The following CLVS1 variants were observed in gnomAD, a reference collection of about 807,000 sequenced individuals.
The protein encoded by CLVS1 is clavesin-1.
Under a neutral mutation model 33.1 loss-of-function variants are expected in CLVS1, and 10 were observed. The observed-to-expected ratio is 0.30, with a 90% CI of 0.19 to 0.51. The LOEUF (loss-of-function observed/expected upper bound fraction) is 0.51. CLVS1 is among the 20% of genes least tolerant of loss of function. The pLI, the probability that CLVS1 is intolerant of heterozygous loss-of-function variation, is 0.97. For synonymous variants in CLVS1, 163 were observed against 166.1 expected (o/e 0.98, Z 0.14); for missense variants, 343 against 433.4 (o/e 0.79, Z 1.85).
At chr8:61,142,883 C>T (rs1370143222) in intron 2 of CLVS1, among the ~76,000 whole-genome samples, 1 of 152,130 alleles carries the variant, frequency 6.6e-6, no homozygotes, top group Non-Finnish European at 1.5e-5. Flanking sequence ...TGTGAATGGA[C>T]ATACTTGCTA....
Position 61,329,874 on chromosome 8 carries a change from C to G in CLVS1, c.455+29592C>G, listed in dbSNP as rs1007999182. Reference sequence around the variant, plus strand: ...CTTTAATAAGAATTTCTTGACTGCTCTATGCACCCAGTACTGCCTATTGAC... The same window carrying G: ...CTTTAATAAGAATTTCTTGACTGCTGTATGCACCCAGTACTGCCTATTGAC... On this transcript the variant is annotated intron_variant, in intron 2 of 5. Coordinates refer to ENST00000325897, the MANE Select transcript of CLVS1 (RefSeq NM_173519.3). Among the ~76,000 whole-genome samples the G allele has an allele frequency of 4.2e-4, 64 of 152,134 alleles. 1 individual carries two copies. The highest frequency in any genetic ancestry group is 5.7e-4 in the Non-Finnish European group (39 of 68,022).
chr8:61,335,275 C>T (rs565724987), intron 2 of CLVS1, among the ~76,000 whole-genome samples: 30 of 152,322 alleles, frequency 2.0e-4, no homozygotes, highest in African/African-American at 7.2e-4. Context: ...GCAATCTAGT[C>T]CTCGACAAGA....
chr8:61,172,260 G>A (rs1252539973), intron 2 of CLVS1, among the ~76,000 whole-genome samples: 1 of 152,288 alleles, frequency 6.6e-6, no homozygotes, highest in African/African-American at 2.4e-5. Context: ...TTGGAGGGAG[G>A]ATATTGTTAT....
chr8:61,383,615 A>G (rs1335602581), intron 3 of CLVS1, among the ~76,000 whole-genome samples: 1 of 152,234 alleles, frequency 6.6e-6, no homozygotes, highest in African/African-American at 2.4e-5. Flanking sequence ...TGATATGAAT[A>G]TTAGAGGAAT....
At chr8:61,214,723 T>C (rs749843176) in intron 2 of CLVS1, among the ~76,000 whole-genome samples, 2 of 152,244 alleles carry the variant, frequency 1.3e-5, no homozygotes, top group Non-Finnish European at 2.9e-5. Context: ...GTCCAACTTT[T>C]TGCACCTGAT....
intron 5 of CLVS1, among the ~76,000 whole-genome samples, chr8:61,485,288 A>G (rs1328640664): frequency 2.6e-5 from 4 of 152,260 alleles, no homozygotes; most frequent in African/African-American, 7.2e-5. Context: ...GACAAAGGAT[A>G]TGAACAGACA....
chr8:61,169,017 G>A lies in CLVS1; in HGVS notation c.-152+37157G>A, dbSNP rs528089291. Among the ~76,000 whole-genome samples the A allele has an allele frequency of 3.3e-4, 50 of 152,282 alleles. No individual in the cohort carries two copies. In the South Asian group the frequency reaches 7.7e-3, roughly 23 times the overall value. On this transcript the variant is annotated intron_variant, in intron 2 of 2. Coordinates refer to the CLVS1 transcript ENST00000522621. ...CACCATATTGAGACCTAGCCTTGAC[G>A]AAAGTCCTACTGTCTCCTTAAATGA... is the stretch of plus-strand genomic sequence containing the variant.
intron 2 of CLVS1, among the ~76,000 whole-genome samples, chr8:61,201,025 T>G (rs1239946866): frequency 6.6e-6 from 1 of 152,302 alleles, no homozygotes; most frequent in Non-Finnish European, 1.5e-5. Flanking sequence ...CCTTTCATGG[T>G]GAAATTTACT....
the CLVS1 span, among the ~76,000 whole-genome samples, chr8:61,033,126 G>GAAAGAAAGAAAGAAA: frequency 2.9e-5 from 2 of 68,730 alleles, no homozygotes; most frequent in African/African-American, 1.0e-4. Flanking sequence ...AAGGAAGAAA[G>GAAAGAAAGAAAGAAA]GAAAGAAAGA....
At chr8:61,456,237 G>A (rs1416940897) in intron 4 of CLVS1, among the ~76,000 whole-genome samples, 2 of 152,162 alleles carry the variant, frequency 1.3e-5, no homozygotes, top group African/African-American at 4.8e-5. Context: ...CCCCAGAAGG[G>A]AAGGTCACCT....
chr8:61,362,098 T>A (rs1177479075), intron 2 of CLVS1, among the ~76,000 whole-genome samples: 2 of 152,154 alleles, frequency 1.3e-5, no homozygotes, highest in Non-Finnish European at 2.9e-5. Context: ...AAAACTGGGC[T>A]TTGAAGGCTG....
intron 1 of CLVS1, among the ~76,000 whole-genome samples, chr8:61,105,915 C>T (rs1210023835): frequency 1.3e-5 from 2 of 152,128 alleles, no homozygotes; most frequent in Non-Finnish European, 2.9e-5. Context: ...TAGTTGTTCT[C>T]CCGCTCATGC....
At chr8:61,064,619 C>T (rs1402806141) in intron 1 of CLVS1, among the ~76,000 whole-genome samples, 3 of 150,734 alleles carry the variant, frequency 2.0e-5, no homozygotes, top group African/African-American at 7.3e-5. Context: ...CAGCTCACTG[C>T]AACCTCTGCC....
intron 2 of CLVS1, among the ~76,000 whole-genome samples, chr8:61,224,653 G>C (rs1808290929): frequency 6.6e-6 from 1 of 152,204 alleles, no homozygotes; most frequent in Non-Finnish European, 1.5e-5. Flanking sequence ...CCCGTTGGGT[G>C]GCATAGGGAG....
intron 3 of CLVS1, among the ~76,000 whole-genome samples, chr8:61,448,615 C>G (rs1311407829): frequency 6.6e-6 from 1 of 151,706 alleles, no homozygotes; most frequent in Non-Finnish European, 1.5e-5. Context: ...GTGGCTCATG[C>G]CTGTAATCCC....
chr8:61,399,114 G>C (rs532450916), intron 3 of CLVS1, among the ~76,000 whole-genome samples: 1 of 152,128 alleles, frequency 6.6e-6, no homozygotes, highest in East Asian at 1.9e-4. Context: ...CTAGATCTTT[G>C]AGGAATCTCT....
chr8:61,184,890 T>G (rs1260316778), intron 2 of CLVS1, among the ~76,000 whole-genome samples: 1 of 152,244 alleles, frequency 6.6e-6, no homozygotes, highest in Non-Finnish European at 1.5e-5. Flanking sequence ...TTTTCTTTGC[T>G]GATAAAATTA....
intron 2 of CLVS1, among the ~76,000 whole-genome samples, chr8:61,148,948 C>T (rs1292378744): frequency 1.3e-5 from 2 of 152,176 alleles, no homozygotes; most frequent in Non-Finnish European, 2.9e-5. Flanking sequence ...ATTCCAATTG[C>T]AGCTCAAATC....
At chr8:61,092,135 A>T (rs778199963) in intron 1 of CLVS1, among the ~76,000 whole-genome samples, 2 of 152,264 alleles carry the variant, frequency 1.3e-5, no homozygotes, top group Non-Finnish European at 2.9e-5. Flanking sequence ...AATTATGTTT[A>T]GACATGGTAA....
Sources: allele counts gnomAD v4.1 joint callset (sites outside exome capture counted in the v4.1 genomes callset), GRCh38; gene constraint gnomAD v4.1.1; transcripts MANE v1.5; gene names NCBI Gene and HGNC (gene_info 2026-07-23, HGNC 2026-07-21).